SOCS5: variants seen among roughly 807,000 people sequenced by gnomAD.
SOCS5 encodes suppressor of cytokine signaling 5, also known as CIS-6.
In SOCS5, 32 loss-of-function variants were observed where a neutral mutation model predicts 42.8. That is an observed-to-expected ratio of 0.75 (90% CI 0.56 to 1.01). The LOEUF is 1.01. SOCS5 is among the 50% of genes least tolerant of loss of function. SOCS5 has a pLI of 0.00. For synonymous variants in SOCS5, 283 were observed against 229.6 expected (o/e 1.23, Z -2.10); for missense variants, 627 against 653.0 (o/e 0.96, Z 0.43).
chr2:46,761,747 G>T lies in SOCS5; in HGVS notation c.*1606G>T. ...TGAACAGTCTAATATTGACTTATCA[G>T]AATAAGCTAACTCTAAATTTAATGC... On this transcript the variant is annotated 3_prime_UTR_variant, in exon 2 of 2. Coordinates refer to ENST00000394861, the MANE Select transcript of SOCS5 (RefSeq NM_144949.3). The T allele has an allele frequency of 6.0e-6, 1 of 166,542 alleles. No homozygotes were observed. 10.3% of individuals were successfully genotyped at this position (166,542 alleles called of 1,614,324 possible). A position where few individuals can be genotyped will look rare whatever the true frequency, so the allele number is the denominator to read the frequency against.
intron 1 of SOCS5, among the ~76,000 whole-genome samples, chr2:46,730,609 G>A (rs17771005): frequency 0.074 from 11,196 of 152,094 alleles, 459 homozygotes; most frequent in Non-Finnish European, 0.086. Flanking sequence ...CAAAAAGATT[G>A]AATGGCCCAT....
intron 1 of SOCS5, among the ~76,000 whole-genome samples, chr2:46,738,925 C>T (rs556524057): frequency 7.9e-5 from 12 of 152,248 alleles, no homozygotes; most frequent in East Asian, 5.8e-4. Context: ...AGGATAAGAA[C>T]GCAGATTCTT....
chr2:46,749,124 A>G (rs1673569948), intron 1 of SOCS5, among the ~76,000 whole-genome samples: 1 of 152,228 alleles, frequency 6.6e-6, no homozygotes, highest in African/African-American at 2.4e-5. Context: ...ACATGTGGTT[A>G]TAATGCTGAG....
intron 1 of SOCS5, among the ~76,000 whole-genome samples, chr2:46,742,220 G>A (rs1455006682): frequency 1.3e-5 from 2 of 151,962 alleles, no homozygotes; most frequent in African/African-American, 2.4e-5. Context: ...TTTTTTAATT[G>A]AGTTGTTGTG....
intron 1 of SOCS5, among the ~76,000 whole-genome samples, chr2:46,730,848 A>G (rs989512508): frequency 1.3e-5 from 2 of 152,174 alleles, no homozygotes; most frequent in African/African-American, 4.8e-5. Context: ...ATATTCAGAT[A>G]TGAAGGTTAA....
At chr2:46,704,688 CT>C in intron 1 of SOCS5, among the ~76,000 whole-genome samples, 1 of 152,270 alleles carries the variant, frequency 6.6e-6, no homozygotes, top group South Asian at 2.1e-4. Context: ...GAAAGAATAT[CT>C]TTTGTTGAAG....
intron 1 of SOCS5, among the ~76,000 whole-genome samples, chr2:46,700,510 T>C (rs549502379): frequency 2.4e-4 from 37 of 152,360 alleles, no homozygotes; most frequent in Admixed American, 5.9e-4. Flanking sequence ...ATTCACATTC[T>C]TTCTTTTCCT....
At chr2:46,741,281 T>A (rs1376938443) in intron 1 of SOCS5, among the ~76,000 whole-genome samples, 1 of 152,180 alleles carries the variant, frequency 6.6e-6, no homozygotes, top group Non-Finnish European at 1.5e-5. Context: ...GCTCTACCAC[T>A]CAGGCTGGAG....
At chr2:46,748,799 G>C (rs1407848931) in intron 1 of SOCS5, among the ~76,000 whole-genome samples, 2 of 152,104 alleles carry the variant, frequency 1.3e-5, no homozygotes, top group Non-Finnish European at 2.9e-5. Context: ...AAACTGCTGG[G>C]GTTATAAAGT....
At position 46,762,560 on chromosome 2, in the gene SOCS5, T is replaced by C. The variant is rs1382004186; in HGVS notation, c.*2419T>C. 1 of 166,456 alleles carries C rather than the reference T, an allele frequency of 6.0e-6. No homozygotes were observed. 10.3% of individuals were successfully genotyped at this position (166,456 alleles called of 1,614,324 possible). A position where few individuals can be genotyped will look rare whatever the true frequency, so the allele number is the denominator to read the frequency against. On this transcript the variant is annotated 3_prime_UTR_variant, in exon 2 of 2. Coordinates refer to ENST00000394861, the MANE Select transcript of SOCS5 (RefSeq NM_144949.3). ...TATACACTGTGCTAAAAGTCACATG[T>C]TTCAGTTTGTGTATAATATTAATAT...
At chr2:46,723,308 G>A (rs1407422644) in intron 1 of SOCS5, among the ~76,000 whole-genome samples, 7 of 151,484 alleles carry the variant, frequency 4.6e-5, no homozygotes, top group African/African-American at 1.7e-4. Flanking sequence ...TTAGATCTGT[G>A]ATCCATTTTG....
chr2:46,727,894 G>A (rs528994801), intron 1 of SOCS5, among the ~76,000 whole-genome samples: 1 of 152,266 alleles, frequency 6.6e-6, no homozygotes, highest in Admixed American at 6.5e-5. Flanking sequence ...CTCACTTCCT[G>A]TGATTGCACC....
At chr2:46,706,003 A>G (rs1558398453) in intron 1 of SOCS5, among the ~76,000 whole-genome samples, 1 of 152,224 alleles carries the variant, frequency 6.6e-6, no homozygotes, top group Non-Finnish European at 1.5e-5. Flanking sequence ...AGTTATGTAG[A>G]TGACTTCCTT....
rs114656430 is a variant in SOCS5 at position 46,708,434 on chromosome 2, G to A, written c.-13+8985G>A. 9.0e-3 allele frequency among the ~76,000 whole-genome samples: 1,371 copies of A among 152,240 alleles called. 23 individuals are homozygous for A. The highest frequency in any genetic ancestry group is 0.031 in the African/African-American group (1,271 of 41,520). ...ATACCACAATATCAGTTGGAAATAC[G>A]GGTCTGGATCAGGAGCGTGGTCAGG... On this transcript the variant is annotated intron_variant, in intron 1 of 1. Transcript: ENST00000394861.
rs1672907403 is a variant in SOCS5 at position 46,722,554 on chromosome 2, C to G, written c.-13+23105C>G. Among the ~76,000 whole-genome samples, 3 of 152,120 alleles carry G rather than the reference C, an allele frequency of 2.0e-5. No individual in the cohort carries two copies. In the South Asian group the frequency reaches 6.2e-4, roughly 31 times the overall value. On this transcript the variant is annotated intron_variant, in intron 1 of 1. Coordinates refer to ENST00000394861, the MANE Select transcript of SOCS5 (RefSeq NM_144949.3). ...AAGAGTATTCCTTTGTATAGCTGCA[C>G]TAACAGTTTGTTTATCCATTCACCT... is the stretch of plus-strand genomic sequence containing the variant.
At chr2:46,711,491 T>G (rs1672621736) in intron 1 of SOCS5, among the ~76,000 whole-genome samples, 1 of 152,242 alleles carries the variant, frequency 6.6e-6, no homozygotes, top group East Asian at 1.9e-4. Context: ...CTGTTAAGTT[T>G]TAGGATTTGT....
At chr2:46,722,593 T>A (rs1259322998) in intron 1 of SOCS5, among the ~76,000 whole-genome samples, 6 of 152,176 alleles carry the variant, frequency 3.9e-5, no homozygotes, top group Non-Finnish European at 8.8e-5. Flanking sequence ...GAAGGACATA[T>A]GGGTTATTTC....
At chr2:46,716,921 C>G (rs1316365098) in intron 1 of SOCS5, among the ~76,000 whole-genome samples, 1 of 152,140 alleles carries the variant, frequency 6.6e-6, no homozygotes, top group Non-Finnish European at 1.5e-5. Context: ...TTTTTTGTGT[C>G]TCCTTTAATT....
intron 1 of SOCS5, among the ~76,000 whole-genome samples, chr2:46,726,665 T>C (rs1177995294): frequency 6.6e-6 from 1 of 152,044 alleles, no homozygotes; most frequent in African/African-American, 2.4e-5. Flanking sequence ...TCACTGACTT[T>C]CCTATGTCAT....
Sources: allele counts gnomAD v4.1 joint callset (sites outside exome capture counted in the v4.1 genomes callset), GRCh38; gene constraint gnomAD v4.1.1; transcripts MANE v1.5; gene names NCBI Gene and HGNC (gene_info 2026-07-23, HGNC 2026-07-21).